Variants in CCDC171 observed in about 807,000 individuals in gnomAD.
CCDC171 encodes coiled-coil domain-containing protein 171.
Under a neutral mutation model 168.2 loss-of-function variants are expected in CCDC171, and 177 were observed. That is an observed-to-expected ratio of 1.05 (90% CI 0.93 to 1.19). The LOEUF is 1.19. CCDC171 is among the 50% of genes most tolerant of loss of function. CCDC171 has a pLI of 0.00. For missense variants in CCDC171, 1,991 were observed against 1,539.0 expected (o/e 1.29, Z -4.91); for synonymous variants, 687 against 540.8 (o/e 1.27, Z -3.75).
At chr9:15,625,190 A>C (rs1369433807) in intron 7 of CCDC171, among the ~76,000 whole-genome samples, 1 of 151,970 alleles carries the variant, frequency 6.6e-6, no homozygotes, top group Non-Finnish European at 1.5e-5. Flanking sequence ...AAATTTGTTT[A>C]AGTTCTTTGT....
At chr9:15,867,466 G>T (rs945902230) in intron 23 of CCDC171, among the ~76,000 whole-genome samples, 2 of 151,850 alleles carry the variant, frequency 1.3e-5, no homozygotes, top group African/African-American at 4.8e-5. Context: ...TGTTACTTAC[G>T]GTCTTTGAAC....
At chr9:16,008,577 G>T (rs1275718040) in intron 3 of CCDC171, among the ~76,000 whole-genome samples, 5 of 152,218 alleles carry the variant, frequency 3.3e-5, no homozygotes, top group Non-Finnish European at 7.4e-5. Flanking sequence ...CCTAGTGGTT[G>T]CTTGTCCTAA....
chr9:16,039,550 G>A (rs1319414410), upstream of CCDC171, among the ~76,000 whole-genome samples: 1 of 152,154 alleles, frequency 6.6e-6, no homozygotes, highest in Non-Finnish European at 1.5e-5. Flanking sequence ...TAATTTCCCT[G>A]CAGGTCGGTA....
intron 14 of CCDC171, 125 bp from the exon 15 acceptor site, chr9:15,727,744 T>G: frequency 4.8e-6 from 3 of 626,558 alleles, no homozygotes; most frequent in Non-Finnish European, 7.4e-6. Context: ...TAAAATATTC[T>G]GAGACTTGAG....
At chr9:15,723,123 C>G (rs771119015) in intron 12 of CCDC171, among the ~76,000 whole-genome samples, 9 of 152,158 alleles carry the variant, frequency 5.9e-5, no homozygotes, top group Non-Finnish European at 1.3e-4. Flanking sequence ...AAAGAGCAGT[C>G]TGACAGAAAG....
intron 21 of CCDC171, among the ~76,000 whole-genome samples, chr9:15,819,131 A>G (rs1387200899): frequency 8.5e-6 from 1 of 117,466 alleles, no homozygotes; most frequent in African/African-American, 3.2e-5. Context: ...TCCTTTACAG[A>G]CAAGCAAATG....
chr9:15,777,048 A>T (rs532472902), intron 18 of CCDC171, among the ~76,000 whole-genome samples: 1 of 152,316 alleles, frequency 6.6e-6, no homozygotes, highest in Non-Finnish European at 1.5e-5. Flanking sequence ...AATTTTATTT[A>T]TCAACATTAA....
At chr9:15,619,891 A>C (rs1486238844) in intron 6 of CCDC171, among the ~76,000 whole-genome samples, 2 of 152,126 alleles carry the variant, frequency 1.3e-5, no homozygotes, top group Non-Finnish European at 2.9e-5. Context: ...CCATTCTCCA[A>C]ATCCTAGGGC....
At chr9:16,091,080 A>G in the CCDC171 span, among the ~76,000 whole-genome samples, 1 of 152,146 alleles carries the variant, frequency 6.6e-6, no homozygotes, top group Non-Finnish European at 1.5e-5. Flanking sequence ...CCCCCCACCC[A>G]GGAATGCTGA....
At chr9:15,890,307 C>T (rs886437060) in intron 24 of CCDC171, among the ~76,000 whole-genome samples, 6 of 152,044 alleles carry the variant, frequency 3.9e-5, no homozygotes, top group East Asian at 1.9e-4. Flanking sequence ...GAAATTTGTT[C>T]TTGCTGGGTG....
At chr9:15,736,549 G>T (rs142890347) in intron 16 of CCDC171, among the ~76,000 whole-genome samples, 58 of 152,120 alleles carry the variant, frequency 3.8e-4, no homozygotes, top group African/African-American at 1.3e-3. Flanking sequence ...ACGGGGTTTC[G>T]CCCTGTTGTC....
At chr9:15,632,877 G>A (rs1313975067) in intron 7 of CCDC171, among the ~76,000 whole-genome samples, 4 of 151,960 alleles carry the variant, frequency 2.6e-5, no homozygotes, top group South Asian at 2.1e-4. Context: ...GCATATCTAT[G>A]ACTATCTGAT....
intron 7 of CCDC171, among the ~76,000 whole-genome samples, chr9:15,646,308 G>A (rs953753256): frequency 6.6e-6 from 1 of 152,160 alleles, no homozygotes. Context: ...AAATTGTAAA[G>A]ACCATCCATG....
chr9:16,017,685 G>T (rs573267280), intron 3 of CCDC171, among the ~76,000 whole-genome samples: 5 of 152,270 alleles, frequency 3.3e-5, no homozygotes, highest in African/African-American at 9.6e-5. Flanking sequence ...AAAGCATTTT[G>T]TTAGTTTATG....
intron 4 of CCDC171, among the ~76,000 whole-genome samples, chr9:15,589,834 A>T (rs1479213051): frequency 6.6e-6 from 1 of 152,214 alleles, no homozygotes; most frequent in Non-Finnish European, 1.5e-5. Flanking sequence ...ATAGGAGAGA[A>T]GAGATGAAAA....
In CCDC171 at chr9:15,961,789, C is replaced by T. The variant is rs542170648; in HGVS notation, c.3754-9820C>T. ...AGGGTTTTTAGCTATAAAAGTAAAA[C>T]GTACTTACTGTAGGTAATTTGGAAA... On this transcript the variant is annotated intron_variant, in intron 25 of 25. Coordinates refer to ENST00000380701, the MANE Select transcript of CCDC171 (RefSeq NM_173550.4). 1.1e-4 allele frequency among the ~76,000 whole-genome samples: 16 copies of T among 151,968 alleles called. No individual in the cohort carries two copies. In the South Asian group the frequency reaches 2.7e-3, roughly 26 times the overall value.
intron 24 of CCDC171, among the ~76,000 whole-genome samples, chr9:15,901,682 T>C (rs1355551524): frequency 6.6e-6 from 1 of 152,172 alleles, no homozygotes. Context: ...TTACTATAGT[T>C]TGGCACTGAT....
intron 9 of CCDC171, among the ~76,000 whole-genome samples, chr9:15,676,257 T>G (rs10121591): frequency 0.46 from 69,347 of 151,878 alleles, 16,133 homozygotes; most frequent in Non-Finnish European, 0.5. Flanking sequence ...CACTGCTTAT[T>G]CTATTTAGCC....
chr9:15,559,445 G>C (rs576183166), intron 1 of CCDC171, among the ~76,000 whole-genome samples: 18 of 152,276 alleles, frequency 1.2e-4, no homozygotes, highest in African/African-American at 4.3e-4. Context: ...ATTTAGGATA[G>C]TTAGCTCTTC....
Sources: allele counts gnomAD v4.1 joint callset (sites outside exome capture counted in the v4.1 genomes callset), GRCh38; gene constraint gnomAD v4.1.1; transcripts MANE v1.5; gene names NCBI Gene and HGNC (gene_info 2026-07-23, HGNC 2026-07-21).